PCDH7: variants seen among roughly 807,000 people sequenced by gnomAD.
PCDH7 encodes protocadherin 7.
PCDH7 carries 17 observed loss-of-function variants against 58.9 expected under a neutral mutation model. The ratio of observed to expected loss-of-function variants is 0.29; its 90% CI spans 0.20 to 0.43. The LOEUF (loss-of-function observed/expected upper bound fraction) is 0.43. Among genes scored for constraint, PCDH7 ranks in the 20% least tolerant of loss-of-function variants. The probability of loss-of-function intolerance (pLI) is 1.00; values close to 1 mark genes in which losing one functional copy is unlikely to be tolerated. For missense variants in PCDH7, 1,274 were observed against 1,441.0 expected (o/e 0.88, Z 1.88); for synonymous variants, 664 against 616.4 (o/e 1.08, Z -1.14).
At chr4:30,993,095 G>A (rs931369792) in intron 3 of PCDH7, among the ~76,000 whole-genome samples, 54 of 152,040 alleles carry the variant, frequency 3.6e-4, no homozygotes, top group African/African-American at 1.0e-3. Context: ...CACCGTGCCC[G>A]GCCTGTCCCA....
At chr4:30,978,742 T>C (rs991910033) in intron 3 of PCDH7, among the ~76,000 whole-genome samples, 6 of 152,196 alleles carry the variant, frequency 3.9e-5, no homozygotes, top group African/African-American at 1.4e-4. Context: ...ACTTCTTTTG[T>C]TTTAGTAATA....
intron 3 of PCDH7, among the ~76,000 whole-genome samples, chr4:31,121,840 T>C (rs1201687601): frequency 3.3e-5 from 5 of 152,012 alleles, no homozygotes; most frequent in Non-Finnish European, 5.9e-5. Context: ...AGAAAAAAAA[T>C]ATGTGGGTCT....
intron 3 of PCDH7, among the ~76,000 whole-genome samples, chr4:31,125,533 C>T (rs1718197720): frequency 1.3e-5 from 2 of 152,166 alleles, no homozygotes; most frequent in Non-Finnish European, 2.9e-5. Flanking sequence ...GATTTTTGGA[C>T]TTTATGATAG....
intron 2 of PCDH7, among the ~76,000 whole-genome samples, chr4:30,925,232 A>G (rs1177575684): frequency 6.6e-6 from 1 of 152,194 alleles, no homozygotes; most frequent in African/African-American, 2.4e-5. Flanking sequence ...TTGAAATATC[A>G]TTGAGAATAA....
intron 1 of PCDH7, among the ~76,000 whole-genome samples, chr4:30,763,238 A>C (rs1720270732): frequency 6.6e-6 from 1 of 152,196 alleles, no homozygotes; most frequent in Admixed American, 6.5e-5. Flanking sequence ...ATAAAAGCAT[A>C]AATAAATATA....
At chr4:31,091,216 G>A (rs1475332746) in intron 3 of PCDH7, among the ~76,000 whole-genome samples, 1 of 151,914 alleles carries the variant, frequency 6.6e-6, no homozygotes, top group Non-Finnish European at 1.5e-5. Context: ...ACTGATAGAT[G>A]CATCCAAACC....
At chr4:31,128,168 C>T (rs1033304277) in intron 3 of PCDH7, among the ~76,000 whole-genome samples, 12 of 151,630 alleles carry the variant, frequency 7.9e-5, no homozygotes, top group Admixed American at 2.0e-4. Flanking sequence ...CACACACGGA[C>T]ACACATATAA....
chr4:30,964,824 C>T (rs1372446924), intron 3 of PCDH7, among the ~76,000 whole-genome samples: 1 of 152,090 alleles, frequency 6.6e-6, no homozygotes. Context: ...AGGTGAACTA[C>T]TTAGGTTTTG....
intron 3 of PCDH7, among the ~76,000 whole-genome samples, chr4:31,110,085 G>A (rs1411971412): frequency 6.6e-6 from 1 of 152,188 alleles, no homozygotes; most frequent in Non-Finnish European, 1.5e-5. Context: ...CTTGTTCTGA[G>A]TACTTTCTCT....
intron 3 of PCDH7, among the ~76,000 whole-genome samples, chr4:30,993,230 C>T (rs1216067753): frequency 6.6e-6 from 1 of 152,196 alleles, no homozygotes; most frequent in Non-Finnish European, 1.5e-5. Flanking sequence ...ACCTATGGCT[C>T]TTCCAATGCT....
chr4:30,766,523 A>G (rs1720772408), intron 1 of PCDH7, among the ~76,000 whole-genome samples: 1 of 152,156 alleles, frequency 6.6e-6, no homozygotes, highest in Non-Finnish European at 1.5e-5. Context: ...TCTTAAGACA[A>G]CTGCATTAGG....
intron 3 of PCDH7, among the ~76,000 whole-genome samples, chr4:30,983,892 T>G (rs1428029875): frequency 6.6e-6 from 1 of 152,160 alleles, no homozygotes; most frequent in Non-Finnish European, 1.5e-5. Context: ...TGTTGATACT[T>G]GCTGGGTACT....
chr4:31,082,158 G>A (rs923463020), intron 3 of PCDH7, among the ~76,000 whole-genome samples: 2 of 152,168 alleles, frequency 1.3e-5, no homozygotes, highest in African/African-American at 2.4e-5. Flanking sequence ...TAGGTAAAAT[G>A]TACTGGACTG....
At chr4:31,014,584 T>G (rs564667700) in intron 3 of PCDH7, among the ~76,000 whole-genome samples, 3 of 152,232 alleles carry the variant, frequency 2.0e-5, no homozygotes, top group Middle Eastern at 3.4e-3. Flanking sequence ...TATTTTGCAA[T>G]TCCACATCGA....
chr4:30,865,613 G>A (rs1394616996), intron 1 of PCDH7, among the ~76,000 whole-genome samples: 1 of 152,020 alleles, frequency 6.6e-6, no homozygotes, highest in Admixed American at 6.6e-5. Context: ...GTCCATAATA[G>A]TTTGTAAATA....
intron 1 of PCDH7, among the ~76,000 whole-genome samples, chr4:30,785,437 C>A (rs138939792): frequency 1.6e-4 from 25 of 151,980 alleles, no homozygotes; most frequent in African/African-American, 6.0e-4. Flanking sequence ...ATGTAAGTAG[C>A]CCAAATATTC....
chr4:31,124,031 T>C (rs1397692272), intron 3 of PCDH7, among the ~76,000 whole-genome samples: 1 of 152,126 alleles, frequency 6.6e-6, no homozygotes, highest in Non-Finnish European at 1.5e-5. Flanking sequence ...CCAGTGGAGC[T>C]TGGGGTTTTT....
intron 1 of PCDH7, among the ~76,000 whole-genome samples, chr4:30,840,821 C>T (rs1011454981): frequency 4.6e-5 from 7 of 151,908 alleles, no homozygotes; most frequent in Non-Finnish European, 7.4e-5. Flanking sequence ...ATTTATGAGT[C>T]GTGGAATGTG....
chr4:30,975,462 C>T (rs1749987736), intron 3 of PCDH7, among the ~76,000 whole-genome samples: 1 of 152,102 alleles, frequency 6.6e-6, no homozygotes, highest in African/African-American at 2.4e-5. Context: ...CTCATACATG[C>T]TCTGTGTTTT....
Sources: gnomAD v4.1 joint callset for allele counts (sites outside exome capture counted in the v4.1 genomes callset) on GRCh38, gnomAD v4.1.1 for gene constraint, MANE v1.5 for transcripts, NCBI Gene and HGNC (gene_info 2026-07-23, HGNC 2026-07-21) for gene names.